Variants in TRPM2 observed in about 807,000 individuals in gnomAD.
TRPM2 encodes the protein transient receptor potential cation channel subfamily M member 2, also known as estrogen-responsive element-associated gene 1 protein.
TRPM2 carries 161 observed loss-of-function variants against 174.0 expected under a neutral mutation model. The observed-to-expected ratio is 0.93, with a 90% CI of 0.81 to 1.05. The LOEUF is 1.05. Ranked by LOEUF, TRPM2 falls within the 50% of genes least tolerant of loss-of-function variation. The pLI, the probability that TRPM2 is intolerant of heterozygous loss-of-function variation, is 0.00. For missense variants in TRPM2, 2,057 were observed against 2,038.0 expected (o/e 1.01, Z -0.18); for synonymous variants, 954 against 861.3 (o/e 1.11, Z -1.88).
At chr21:44,394,511 G>A (rs1262876627) in intron 11 of TRPM2, among the ~76,000 whole-genome samples, 1 of 151,622 alleles carries the variant, frequency 6.6e-6, no homozygotes, top group Non-Finnish European at 1.5e-5. Context: ...AGTAGAGATG[G>A]GGTTTCACTG....
Position 44,441,790 on chromosome 21 carries a change from A to G in TRPM2, c.4485A>G (p.Ala1495=). The G allele has an allele frequency of 6.2e-7, 1 of 1,610,446 alleles. No homozygotes were observed. ...ACCACAAGACCCTCCTCCAGAAGGC[A>G]GCCGCTGAGTTCGGGGCTCACTACT... is the stretch of plus-strand genomic sequence containing the variant. The part of the protein sequence containing the change: ...YANHKTLLQK[A]AAEFGAHY Residue 1495 remains alanine (A), a synonymous_variant, in exon 32 of 32, where the codon GCA becomes GCG. Transcript: ENST00000397928.
intron 29 of TRPM2, among the ~76,000 whole-genome samples, chr21:44,437,696 G>A (rs768153830): frequency 6.6e-6 from 1 of 152,310 alleles, no homozygotes; most frequent in Non-Finnish European, 1.5e-5. Flanking sequence ...AGGCTGGAGC[G>A]CACCCCAGCA....
At chr21:44,397,651 C>T (rs927121593) in intron 12 of TRPM2, 96 bp from the exon 13 acceptor site, 59 of 1,393,668 alleles carry the variant, frequency 4.2e-5, no homozygotes, top group Non-Finnish European at 5.2e-5. Flanking sequence ...GCACTGTCCC[C>T]GGGCCTCGTT....
Position 44,390,929 on chromosome 21 carries a change from C to G in TRPM2, c.1344C>G (p.Gly448=). The change falls in exon 10 of 32, where the codon GGC becomes GGG. Residue 448 remains glycine, a synonymous_variant. Transcript: ENST00000397928. The part of the protein sequence containing the change: ...LKASRSQDHF[G]HENWDHQLKL... Reference sequence around the variant, plus strand: ...CCTCACGGAGCCAAGACCACTTTGGCCACGAGAACTGGGACCACCAGCTGA... The same window carrying G: ...CCTCACGGAGCCAAGACCACTTTGGGCACGAGAACTGGGACCACCAGCTGA... 2 of 1,614,054 alleles carry G rather than the reference C, an allele frequency of 1.2e-6. No homozygotes were observed. Among genetic ancestry groups the G allele is most frequent in the East Asian group, 2.2e-5 (1 of 44,876 alleles).
Position 44,438,154 on chromosome 21 carries a change from T to C in TRPM2, c.4168-913T>C, listed in dbSNP as rs2051349475. 6.6e-6 allele frequency among the ~76,000 whole-genome samples: 1 copy of C among 152,158 alleles called. No individual in the cohort carries two copies. Among genetic ancestry groups the C allele is most frequent in the Admixed American group, 6.5e-5 (1 of 15,284 alleles). ...TGGGTCCCAGTGCTTTGGGGGCCTG[T>C]CTCCACAGCTGGAACCACCCCCGCA... On this transcript the variant is annotated intron_variant, in intron 29 of 31. Coordinates refer to ENST00000397928, the MANE Select transcript of TRPM2 (RefSeq NM_003307.4). This position sits in a 1 kb window ranked among gnomAD's most constrained non-coding sequence, Gnocchi z 5.9.
intron 27 of TRPM2, 77 bp from the exon 28 acceptor site, chr21:44,435,054 C>G: frequency 6.9e-7 from 1 of 1,459,724 alleles, no homozygotes; most frequent in African/African-American, 1.4e-5. Flanking sequence ...CCGCTGTCCC[C>G]TCTCAGTCCC....
intron 16 of TRPM2, among the ~76,000 whole-genome samples, chr21:44,402,354 C>T (rs776368466): frequency 3.3e-4 from 50 of 152,158 alleles, no homozygotes; most frequent in African/African-American, 9.4e-4. Context: ...GGGGGAGGGA[C>T]GCAGCTGCAT....
At chr21:44,412,632 C>CTT (rs1366072240) in intron 19 of TRPM2, among the ~76,000 whole-genome samples, 1 of 151,658 alleles carries the variant, frequency 6.6e-6, no homozygotes, top group Non-Finnish European at 1.5e-5. Context: ...CTTCTGCTTG[C>CTT]TTTTGGCTTG....
In TRPM2 at chr21:44,410,490, G is replaced by C. The variant is rs1473396160; in HGVS notation, c.2963-3401G>C. The stretch of plus-strand genomic sequence containing the variant: ...TGAGCGTAGCCTTGTAGTAAGTTTT[G>C]ACCGCACTGTCTTGGCGTAGACTTG... On this transcript the variant is annotated intron_variant, in intron 19 of 31. Transcript: ENST00000397928. 2.9e-5 allele frequency among the ~76,000 whole-genome samples: 2 copies of C among 69,232 alleles called. 1 individual carries two copies. Among genetic ancestry groups the C allele is most frequent in the African/African-American group, 8.1e-5 (2 of 24,574 alleles). 45.4% of individuals were successfully genotyped at this position (69,232 alleles called of 152,430 possible). A position where few individuals can be genotyped will look rare whatever the true frequency, so the allele number is the denominator to read the frequency against.
chr21:44,383,412 A>G (rs1306677844), intron 9 of TRPM2, among the ~76,000 whole-genome samples: 2 of 152,064 alleles, frequency 1.3e-5, no homozygotes, highest in African/African-American at 4.8e-5. Context: ...TGGGCTTCTC[A>G]CCCTCCAGGG....
chr21:44,407,131 A>ATTCCTCCCTCCCTCCC (rs2049923592), intron 19 of TRPM2, among the ~76,000 whole-genome samples: 3 of 5,866 alleles, frequency 5.1e-4, no homozygotes, highest in East Asian at 4.8e-3. Flanking sequence ...GAAATAATTC[A>ATTCCTCCCTCCCTCCC]TTCCTCCCTT....
chr21:44,421,870 T>C (rs1366715122), intron 22 of TRPM2, among the ~76,000 whole-genome samples: 1 of 152,190 alleles, frequency 6.6e-6, no homozygotes, highest in African/African-American at 2.4e-5. Flanking sequence ...TGCGCCATGA[T>C]GGTGCCACTG....
At chr21:44,437,920 C>T (rs1050530748) in intron 29 of TRPM2, among the ~76,000 whole-genome samples, 31 of 152,362 alleles carry the variant, frequency 2.0e-4, no homozygotes, top group Admixed American at 1.8e-3. Flanking sequence ...CAGCCTGCCC[C>T]GCAGGGCCTC....
chr21:44,366,224 G>A lies in TRPM2; in HGVS notation c.424-530G>A, dbSNP rs1312746118. ...CCACTGAGTCCCCAGGACGGGCCAG[G>A]GCACAGGGGCCACAGAGCAGAGGGG... On this transcript the variant is annotated intron_variant, in intron 3 of 31. Coordinates refer to ENST00000397928, the MANE Select transcript of TRPM2 (RefSeq NM_003307.4). The surrounding 1 kb of genome is among the most constrained non-coding windows in gnomAD (Gnocchi z 6.0). Among the ~76,000 whole-genome samples the A allele has an allele frequency of 1.3e-5, 2 of 151,608 alleles. No homozygotes were observed. Among genetic ancestry groups the A allele is most frequent in the African/African-American group, 2.4e-5 (1 of 41,154 alleles).
In TRPM2 at chr21:44,399,994, G is replaced by A. The variant is rs1307423872; in HGVS notation, c.2209-265G>A. On this transcript the variant is annotated intron_variant, in intron 14 of 31. Transcript: ENST00000397928. The surrounding 1 kb of genome is among the most constrained non-coding windows in gnomAD (Gnocchi z 4.6). ...GAAGGGTCCTGTCCCCCACTGCAGA[G>A]CTCAGAGGGGCCAGTGCTCTACAGC... 6.6e-6 allele frequency among the ~76,000 whole-genome samples: 1 copy of A among 152,214 alleles called. No individual in the cohort carries two copies. The highest frequency in any genetic ancestry group is 2.4e-5 in the African/African-American group (1 of 41,454).
Position 44,377,720 on chromosome 21 carries a change from A to G in TRPM2, c.961A>G (p.Ile321Val). The change falls in exon 7 of 32, where the codon ATC becomes GTC. Residue 321 changes from isoleucine to valine, a missense_variant. Transcript: ENST00000397928. ...CTGTGTGCTTTTTCTAGGTGTGGCC[A>G]TCAAGATCCCCATCGTGTGCGTGGT... ...EQTKERGGVA[I>V]KIPIVCVVLE... 6.2e-7 allele frequency: 1 copy of G among 1,614,134 alleles called. No homozygotes were observed.
At position 44,366,979 on chromosome 21, in the gene TRPM2, G is replaced by A. The variant is rs768082971; in HGVS notation, c.604+45G>A. On this transcript the variant is annotated intron_variant, in intron 4 of 31. Coordinates refer to ENST00000397928, the MANE Select transcript of TRPM2 (RefSeq NM_003307.4). The surrounding 1 kb of genome is among the most constrained non-coding windows in gnomAD (Gnocchi z 6.0). ...GACACGAGGCCCCGGCGGGTGGGGT[G>A]GGCTGTGGAGGCAGTGCTGGGGCAA... is the stretch of plus-strand genomic sequence containing the variant. 1.3e-6 allele frequency: 2 copies of A among 1,531,810 alleles called. No individual in the cohort carries two copies. The highest frequency in any genetic ancestry group is 8.8e-7 in the Non-Finnish European group (1 of 1,137,828). The allele number at this position is 1,531,810 out of a possible 1,614,324, so 94.9% of individuals were successfully genotyped here.
intron 8 of TRPM2, among the ~76,000 whole-genome samples, chr21:44,380,849 G>A (rs888830025): frequency 6.6e-6 from 1 of 152,190 alleles, no homozygotes; most frequent in Admixed American, 6.5e-5. Flanking sequence ...CTGAGTGCTC[G>A]ACTCAGACGA....
At chr21:44,419,635 G>GTGA (rs2050452350) in intron 22 of TRPM2, among the ~76,000 whole-genome samples, 1 of 14,106 alleles carries the variant, frequency 7.1e-5, no homozygotes, top group African/African-American at 1.5e-4. Context: ...GATTGTGATG[G>GTGA]TGGTGGTGTT....
Sources: allele counts gnomAD v4.1 joint callset (sites outside exome capture counted in the v4.1 genomes callset), GRCh38; gene constraint gnomAD v4.1.1; non-coding constraint Gnocchi (gnomAD v3.1); transcripts MANE v1.5; gene names NCBI Gene and HGNC (gene_info 2026-07-23, HGNC 2026-07-21).